Variants in CCSER1 observed in about 807,000 individuals in gnomAD.
CCSER1 encodes the protein coiled-coil serine rich protein 1.
A neutral mutation model predicts 82.0 loss-of-function variants in CCSER1; 41 were observed. The observed-to-expected ratio is 0.50, with a 90% CI of 0.39 to 0.65. The LOEUF (loss-of-function observed/expected upper bound fraction) is 0.65, where lower values mean the gene tolerates loss of function less well. Ranked by LOEUF, CCSER1 falls within the 30% of genes least tolerant of loss-of-function variation. The pLI is 0.00. For missense variants in CCSER1, 1,119 were observed against 1,064.2 expected, an observed-to-expected ratio of 1.05 and a Z score of -0.72; for synonymous variants, 414 against 383.9, an observed-to-expected ratio of 1.08 and a Z score of -0.92.
intron 5 of CCSER1, among the ~76,000 whole-genome samples, chr4:90,493,640 C>G (rs1768462978): frequency 6.6e-6 from 1 of 151,756 alleles, no homozygotes; most frequent in Non-Finnish European, 1.5e-5. Context: ...AATTTTCCAC[C>G]CAGAATTTCA....
In CCSER1 at chr4:91,289,347, C is replaced by T. The variant is rs143516705; in HGVS notation, c.2217+203353C>T. On this transcript the variant is annotated intron_variant, in intron 10 of 10. Transcript: ENST00000509176. ...TTCAGAGAAGCAAGAGAAAGCAAAG[C>T]ACTGCCTAGTGATAAAAGAATCAAC... 8.4e-3 allele frequency among the ~76,000 whole-genome samples: 1,278 copies of T among 152,080 alleles called. 22 individuals carry two copies. Among genetic ancestry groups the T allele is most frequent in the African/African-American group, 0.029 (1,202 of 41,524 alleles).
chr4:90,620,358 T>C (rs1417932373), intron 5 of CCSER1, among the ~76,000 whole-genome samples: 1 of 152,154 alleles, frequency 6.6e-6, no homozygotes, highest in Non-Finnish European at 1.5e-5. Flanking sequence ...AGAAAATTAA[T>C]TTAGGCTTGA....
At chr4:90,509,962 G>A (rs1323074159) in intron 5 of CCSER1, among the ~76,000 whole-genome samples, 1 of 152,132 alleles carries the variant, frequency 6.6e-6, no homozygotes, top group Non-Finnish European at 1.5e-5. Context: ...GGGACATAGT[G>A]ATTAAATCTG....
intron 10 of CCSER1, among the ~76,000 whole-genome samples, chr4:91,453,908 A>C (rs1756001607): frequency 6.6e-6 from 1 of 152,098 alleles, no homozygotes; most frequent in Admixed American, 6.6e-5. Flanking sequence ...AAAATAATCA[A>C]ATAATTAATG....
intron 1 of CCSER1, among the ~76,000 whole-genome samples, chr4:90,264,668 C>G (rs11936096): frequency 0.059 from 8,318 of 142,174 alleles, 609 homozygotes; most frequent in African/African-American, 0.18. Context: ...TATTCAGTGT[C>G]TACATAGCTG....
chr4:90,994,145 A>T (rs892706660), intron 9 of CCSER1, among the ~76,000 whole-genome samples: 38 of 151,952 alleles, frequency 2.5e-4, no homozygotes, highest in Non-Finnish European at 5.0e-4. Context: ...GCTGTAGTGC[A>T]TTATCATCAC....
chr4:90,148,500 A>G (rs1258509231), intron 1 of CCSER1, among the ~76,000 whole-genome samples: 8 of 152,290 alleles, frequency 5.3e-5, no homozygotes, highest in African/African-American at 1.9e-4. Context: ...ATGGTAGTAC[A>G]AGGTTGATAT....
intron 10 of CCSER1, among the ~76,000 whole-genome samples, chr4:91,447,538 G>T (rs1755639092): frequency 6.6e-6 from 1 of 151,942 alleles, no homozygotes; most frequent in African/African-American, 2.4e-5. Flanking sequence ...TGAAAACAAT[G>T]ATATGTCAGT....
chr4:91,519,771 T>C (rs778701331), intron 10 of CCSER1, among the ~76,000 whole-genome samples: 1 of 152,218 alleles, frequency 6.6e-6, no homozygotes, highest in South Asian at 2.1e-4. Flanking sequence ...CCTGTCTTGC[T>C]CCTCCCTGTC....
At chr4:90,713,029 A>G (rs1040885575) in intron 6 of CCSER1, among the ~76,000 whole-genome samples, 6 of 149,154 alleles carry the variant, frequency 4.0e-5, no homozygotes, top group Non-Finnish European at 7.4e-5. Context: ...TTTTGAGCCT[A>G]TGTTTGTCTT....
At chr4:90,179,662 C>T (rs947508223) in intron 1 of CCSER1, among the ~76,000 whole-genome samples, 4 of 152,194 alleles carry the variant, frequency 2.6e-5, no homozygotes, top group Non-Finnish European at 5.9e-5. Flanking sequence ...GGATTACAGG[C>T]GTGAGCCATC....
At chr4:90,657,141 T>C (rs1207984371) in intron 6 of CCSER1, among the ~76,000 whole-genome samples, 1 of 152,106 alleles carries the variant, frequency 6.6e-6, no homozygotes, top group Admixed American at 6.6e-5. Flanking sequence ...GATGATGAAT[T>C]CCCTCTCTCT....
chr4:90,659,908 T>A (rs1730437530), intron 6 of CCSER1, among the ~76,000 whole-genome samples: 1 of 152,084 alleles, frequency 6.6e-6, no homozygotes, highest in African/African-American at 2.4e-5. Context: ...GATTGCCACA[T>A]GTATGTTTTC....
intron 10 of CCSER1, among the ~76,000 whole-genome samples, chr4:91,171,081 C>CT (rs977496774): frequency 1.1e-4 from 17 of 151,634 alleles, no homozygotes; most frequent in Non-Finnish European, 8.8e-5. Flanking sequence ...CTAGGACAAA[C>CT]TTTTTTTTTC....
chr4:90,417,933 G>A (rs1756063016), intron 4 of CCSER1, among the ~76,000 whole-genome samples: 1 of 152,058 alleles, frequency 6.6e-6, no homozygotes, highest in Non-Finnish European at 1.5e-5. Flanking sequence ...GCTCTGATGT[G>A]TCTTGGTCAG....
chr4:91,107,422 T>A (rs971265955), intron 10 of CCSER1, among the ~76,000 whole-genome samples: 19 of 151,866 alleles, frequency 1.3e-4, no homozygotes, highest in Non-Finnish European at 2.8e-4. Context: ...GCCTGGCTAA[T>A]TTTTTTGTAT....
chr4:91,419,390 T>A (rs1021983254), intron 10 of CCSER1, among the ~76,000 whole-genome samples: 1 of 151,988 alleles, frequency 6.6e-6, no homozygotes, highest in Admixed American at 6.6e-5. Context: ...GTAGATTCAA[T>A]ATTAAAATTC....
At chr4:90,664,792 C>T (rs1410671250) in intron 6 of CCSER1, among the ~76,000 whole-genome samples, 2 of 152,056 alleles carry the variant, frequency 1.3e-5, no homozygotes, top group East Asian at 3.9e-4. Context: ...CCCAGTGACT[C>T]GGGAGGCTGA....
chr4:90,479,922 T>G (rs1019218120), intron 5 of CCSER1, among the ~76,000 whole-genome samples: 1 of 152,218 alleles, frequency 6.6e-6, no homozygotes, highest in African/African-American at 2.4e-5. Context: ...AAATGGTATT[T>G]CTAGTTCCAG....
Sources: allele counts gnomAD v4.1 joint callset (sites outside exome capture counted in the v4.1 genomes callset), GRCh38; gene constraint gnomAD v4.1.1; transcripts MANE v1.5; gene names NCBI Gene and HGNC (gene_info 2026-07-23, HGNC 2026-07-21).